Variants in CXADR observed in about 807,000 individuals in gnomAD.
CXADR encodes the protein CXADR cell adhesion molecule.
Under a neutral mutation model 40.3 loss-of-function variants are expected in CXADR, and 20 were observed. The observed-to-expected ratio is 0.50, with a 90% CI of 0.35 to 0.72. The LOEUF (loss-of-function observed/expected upper bound fraction) is 0.72. Ranked by LOEUF, CXADR falls within the 30% of genes least tolerant of loss-of-function variation. CXADR has a pLI of 0.01. For synonymous variants in CXADR, 150 were observed against 161.3 expected (o/e 0.93, Z 0.53); for missense variants, 332 against 449.1 (o/e 0.74, Z 2.36).
At chr21:17,611,358 T>C in the CXADR span, among the ~76,000 whole-genome samples, 1 of 152,216 alleles carries the variant, frequency 6.6e-6, no homozygotes, top group African/African-American at 2.4e-5. Flanking sequence ...ATGTGCCACA[T>C]ATCTGAGTTC....
intron 7 of CXADR, among the ~76,000 whole-genome samples, chr21:17,585,478 G>T (rs2061388038): frequency 6.6e-6 from 1 of 151,980 alleles, no homozygotes; most frequent in Admixed American, 6.6e-5. Flanking sequence ...ATTAATAGTG[G>T]TTTTCGATTC....
the CXADR span, chr21:17,613,371 G>A: frequency 6.6e-6 from 1 of 152,664 alleles, no homozygotes; most frequent in African/African-American, 2.4e-5. Context: ...GGGGGACACG[G>A]ACTCGACGGG....
At chr21:17,562,830 C>A (rs1432688853) in intron 6 of CXADR, among the ~76,000 whole-genome samples, 2 of 152,190 alleles carry the variant, frequency 1.3e-5, no homozygotes, top group Non-Finnish European at 2.9e-5. Context: ...CATTAACCAG[C>A]CTCTGTTAGC....
intron 6 of CXADR, among the ~76,000 whole-genome samples, chr21:17,564,104 A>G (rs1300070290): frequency 6.6e-6 from 1 of 151,978 alleles, no homozygotes; most frequent in Non-Finnish European, 1.5e-5. Flanking sequence ...TGTATTTTTT[A>G]AATGCACCAA....
intron 7 of CXADR, among the ~76,000 whole-genome samples, chr21:17,586,712 TTTTTG>T (rs1245119415): frequency 1.3e-5 from 2 of 152,112 alleles, no homozygotes; most frequent in Non-Finnish European, 2.9e-5. Flanking sequence ...TACCTATTAA[TTTTTG>T]TTTTGTTTTA....
downstream of CXADR, among the ~76,000 whole-genome samples, chr21:17,573,876 C>A (rs1340785664): frequency 1.3e-5 from 2 of 152,214 alleles, no homozygotes; most frequent in African/African-American, 4.8e-5. Context: ...CTCTGCACTC[C>A]AGCCTGGGCA....
chr21:17,518,560 A>G lies in CXADR; in HGVS notation c.43+5388A>G, dbSNP rs117829115. On this transcript the variant is annotated intron_variant, in intron 1 of 6. Transcript: ENST00000284878. ...CTTTGATGCCTCATCAAAATTTTCTACAAGATCGGGAACATCATCATCCTC... is the reference window on the plus strand; with the variant it reads ...CTTTGATGCCTCATCAAAATTTTCTGCAAGATCGGGAACATCATCATCCTC... 1.1e-5 allele frequency: 13 copies of G among 1,183,380 alleles called. No homozygotes were observed. In the East Asian group the frequency reaches 2.6e-4, roughly 23 times the overall value. The allele number at this position is 1,183,380 out of a possible 1,614,324, so 73.3% of individuals were successfully genotyped here.
rs571847115 is a variant in CXADR at position 17,580,439 on chromosome 21, C to T, written c.1018-12713C>T. 4.1e-4 allele frequency among the ~76,000 whole-genome samples: 63 copies of T among 152,086 alleles called. No homozygotes were observed. In the South Asian group the frequency reaches 0.011, roughly 28 times the overall value. On this transcript the variant is annotated intron_variant, in intron 7 of 7. Coordinates refer to the CXADR transcript ENST00000400169. ...TTGGAGACCAGCCTGGCCAACATGG[C>T]GAAACCTGTCTCTGGTAAAAATACA... is the stretch of plus-strand genomic sequence containing the variant.
chr21:17,538,221 A>T (rs1370509058), intron 1 of CXADR, among the ~76,000 whole-genome samples: 1 of 22 alleles, frequency 0.045, no homozygotes, highest in African/African-American at 0.25. Flanking sequence ...GGATGGTCTC[A>T]GATCTCCTGA....
At chr21:17,523,468 T>C (rs1238566824) in intron 1 of CXADR, among the ~76,000 whole-genome samples, 1 of 152,176 alleles carries the variant, frequency 6.6e-6, no homozygotes. Flanking sequence ...GTGGAGTTTA[T>C]ATCACCACTC....
At chr21:17,623,249 T>C in the CXADR span, among the ~76,000 whole-genome samples, 3 of 152,178 alleles carry the variant, frequency 2.0e-5, no homozygotes, top group Non-Finnish European at 2.9e-5. Context: ...GCCAAAGTGA[T>C]GACTCTTTAT....
the CXADR span, chr21:17,604,891 G>A: frequency 6.2e-7 from 1 of 1,614,062 alleles, no homozygotes; most frequent in Non-Finnish European, 8.5e-7. Flanking sequence ...TCCACCCAGA[G>A]AGTGAGCTCC....
intron 1 of CXADR, among the ~76,000 whole-genome samples, chr21:17,533,992 C>T (rs1243926550): frequency 3.3e-5 from 3 of 90,018 alleles, no homozygotes; most frequent in Non-Finnish European, 7.3e-5. Flanking sequence ...CCTGTATTTT[C>T]TTCTCTTTCT....
chr21:17,623,977 C>G, the CXADR span, among the ~76,000 whole-genome samples: 5 of 152,180 alleles, frequency 3.3e-5, no homozygotes, highest in East Asian at 9.7e-4. Flanking sequence ...TGAATGATGG[C>G]AACATTTGTC....
At position 17,562,712 on chromosome 21, in the gene CXADR, C is replaced by T. The variant is rs561280641; in HGVS notation, c.833+1236C>T. ...TACTTAGTGTAGTTACCTTCATCAA[C>T]GATCTTTTAACTAGATCTTCTGGAT... On this transcript the variant is annotated intron_variant, in intron 6 of 6. Coordinates refer to ENST00000284878, the MANE Select transcript of CXADR (RefSeq NM_001338.5). 3.3e-5 allele frequency among the ~76,000 whole-genome samples: 5 copies of T among 152,310 alleles called. No individual in the cohort carries two copies. The South Asian group carries it at 8.3e-4, about 25-fold the overall frequency.
At chr21:17,532,356 A>G (rs571439029) in intron 1 of CXADR, among the ~76,000 whole-genome samples, 4 of 152,122 alleles carry the variant, frequency 2.6e-5, no homozygotes, top group South Asian at 2.1e-4. Context: ...AATGTACTCA[A>G]TGTTTCCCAT....
chr21:17,631,217 CTT>C, the CXADR span, among the ~76,000 whole-genome samples: 1 of 152,116 alleles, frequency 6.6e-6, no homozygotes, highest in Non-Finnish European at 1.5e-5. Flanking sequence ...GATTATGACA[CTT>C]ACGGTAGAAT....
At chr21:17,630,052 G>A in the CXADR span, among the ~76,000 whole-genome samples, 52 of 152,282 alleles carry the variant, frequency 3.4e-4, no homozygotes, top group African/African-American at 1.2e-3. Context: ...GGTGTTGGAT[G>A]TAGTTGGGAC....
chr21:17,620,625 TA>T, the CXADR span, among the ~76,000 whole-genome samples: 2 of 151,930 alleles, frequency 1.3e-5, no homozygotes, highest in Non-Finnish European at 2.9e-5. Flanking sequence ...CTTCAATTTG[TA>T]AAAAAACATG....
Sources: gnomAD v4.1 joint callset for allele counts (sites outside exome capture counted in the v4.1 genomes callset) on GRCh38, gnomAD v4.1.1 for gene constraint, MANE v1.5 for transcripts, NCBI Gene and HGNC (gene_info 2026-07-23, HGNC 2026-07-21) for gene names.